GRIK5: variants seen among roughly 807,000 people sequenced by gnomAD.
GRIK5 encodes glutamate receptor ionotropic, kainate 5.
A neutral mutation model predicts 97.4 loss-of-function variants in GRIK5; 43 were observed. The ratio of observed to expected loss-of-function variants is 0.44; its 90% CI spans 0.35 to 0.57. The LOEUF is 0.57. Among genes scored for constraint, GRIK5 ranks in the 20% least tolerant of loss-of-function variants. The probability of loss-of-function intolerance (pLI) is 0.01; values close to 1 mark genes in which losing one functional copy is unlikely to be tolerated. For missense variants in GRIK5, 1,015 were observed against 1,382.0 expected, an observed-to-expected ratio of 0.73 and a Z score of 4.21; for synonymous variants, 580 against 583.5, an observed-to-expected ratio of 0.99 and a Z score of 0.09.
In GRIK5 at chr19:42,069,866, T is replaced by G. The variant is rs1599867414; in HGVS notation, c.-676A>C. On this transcript the variant is annotated 5_prime_UTR_variant, in exon 1 of 20. Transcript: ENST00000593562. Reference sequence around the variant, plus strand: ...GCTGGGGGCGGGGAGAGCCCGGGAGTGGAGAGCTGGGGAGGATGGAGAGCT... The same window carrying G: ...GCTGGGGGCGGGGAGAGCCCGGGAGGGGAGAGCTGGGGAGGATGGAGAGCT... Among the ~76,000 whole-genome samples, 2 of 144,374 alleles carry G rather than the reference T, an allele frequency of 1.4e-5. No individual in the cohort carries two copies. Among genetic ancestry groups the G allele is most frequent in the African/African-American group, 2.6e-5 (1 of 38,594 alleles). 94.7% of individuals were successfully genotyped at this position (144,374 alleles called of 152,430 possible).
At chr19:42,009,995 G>GGT (rs2075542454) in intron 15 of GRIK5, among the ~76,000 whole-genome samples, 1 of 150,684 alleles carries the variant, frequency 6.6e-6, no homozygotes, top group African/African-American at 2.4e-5. Flanking sequence ...GATCCCAGGA[G>GGT]GTGGAGGTTG....
At position 42,065,253 on chromosome 19, in the gene GRIK5, G is replaced by C. The variant is rs201959426; in HGVS notation, c.214C>G (p.Arg72Gly). ...RVEVDIFELQ[R>G]DSQYETTDTM... ...TCCGTGGTCTCGTACTGGCTGTCCC[G>C]CTGCAGCTCAAAGATGTCTACTTCC... Residue 72 changes from arginine to glycine, a missense_variant, in exon 3 of 20, where the codon CGG (arginine) becomes GGG (glycine). Arg to Gly is a moderately radical substitution (Grantham distance 125). This residue lies in a region of GRIK5 where 198 missense variants were observed against 218.2 expected (regional missense o/e 0.91). Transcript: ENST00000593562. This position sits in a 1 kb window ranked among gnomAD's most constrained non-coding sequence, Gnocchi z 5.8. 2 of 1,612,810 alleles carry C rather than the reference G, an allele frequency of 1.2e-6. No homozygotes were observed. The highest frequency in any genetic ancestry group is 1.7e-6 in the Non-Finnish European group (2 of 1,179,622).
chr19:42,063,363 G>A (rs1382603676), intron 3 of GRIK5: 5 of 456,626 alleles, frequency 1.1e-5, no homozygotes, highest in Non-Finnish European at 1.8e-5. Context: ...ACTGGGAGGT[G>A]GAAAGCTGTT....
chr19:42,025,550 T>A (rs1043673265), intron 12 of GRIK5, among the ~76,000 whole-genome samples: 1 of 152,066 alleles, frequency 6.6e-6, no homozygotes, highest in Non-Finnish European at 1.5e-5. Context: ...CCACATCCAG[T>A]CTTCCAGCCA....
At chr19:42,035,897 A>G (rs1245803446) in intron 12 of GRIK5, among the ~76,000 whole-genome samples, 2 of 152,172 alleles carry the variant, frequency 1.3e-5, no homozygotes, top group African/African-American at 4.8e-5. Context: ...TTCTCAAATA[A>G]TTGCTTATGA....
Position 42,022,402 on chromosome 19 carries a change from A to G in GRIK5, c.1474-48T>C, listed in dbSNP as rs773196477. 8.4e-6 allele frequency: 13 copies of G among 1,551,008 alleles called. No homozygotes were observed. The East Asian group carries it at 2.7e-4, about 32-fold the overall frequency. ...GGGGTGGAGGGGGACAGAGGGGAAG[A>G]CAGAAGTGGACAGTTAGAGAGAAAT... is the stretch of plus-strand genomic sequence containing the variant. On this transcript the variant is annotated intron_variant, in intron 12 of 19. Transcript: ENST00000593562. The surrounding 1 kb of genome is among the most constrained non-coding windows in gnomAD (Gnocchi z 4.2).
intron 19 of GRIK5, among the ~76,000 whole-genome samples, chr19:42,000,737 C>T (rs955559146): frequency 1.3e-5 from 2 of 152,190 alleles, no homozygotes; most frequent in Admixed American, 1.3e-4. Context: ...GAATAAGTTT[C>T]AGCCATTGCA....
Position 42,062,083 on chromosome 19 carries a change from A to T in GRIK5, c.508+405T>A, listed in dbSNP as rs1410737027. ...GCTTGGATGTCTCTTTCTCATAGAC[A>T]CAGGCTCTGAACCTCCCAGATGGAT... On this transcript the variant is annotated intron_variant, in intron 5 of 19. Transcript: ENST00000593562. This position sits in a 1 kb window ranked among gnomAD's most constrained non-coding sequence, Gnocchi z 5.3. Among the ~76,000 whole-genome samples the T allele has an allele frequency of 1.3e-5, 2 of 152,162 alleles. No homozygotes were observed. The highest frequency in any genetic ancestry group is 2.9e-5 in the Non-Finnish European group (2 of 68,020).
rs117907504 is a variant in GRIK5, at chr19:42,008,694, A to G, written c.1872-1884T>C. ...CTATAACCAAGAGAAAAATCACTCA[A>G]TTGAAACAGACCCAGAATTGACATA... On this transcript the variant is annotated intron_variant, in intron 15 of 19. Transcript: ENST00000593562. Among the ~76,000 whole-genome samples, 1,000 of 152,320 alleles carry G rather than the reference A, an allele frequency of 6.6e-3. 3 individuals are homozygous for G. The highest frequency in any genetic ancestry group is 0.012 in the Non-Finnish European group (792 of 68,028).
chr19:42,054,262 C>T (rs1259877824), intron 9 of GRIK5, 58 bp downstream of exon 9: 150 of 1,542,396 alleles, frequency 9.7e-5, no homozygotes, highest in South Asian at 1.8e-4. Context: ...TCACAGTGAG[C>T]GCTCCCACCT....
chr19:42,004,762 G>A (rs2075465625), intron 17 of GRIK5, among the ~76,000 whole-genome samples: 1 of 152,190 alleles, frequency 6.6e-6, no homozygotes, highest in African/African-American at 2.4e-5. Context: ...GACTACAGGT[G>A]CATACCACAC....
In GRIK5 at chr19:42,022,069, G is replaced by A. The variant is rs1359217399; in HGVS notation, c.1588-13C>T. The A allele has an allele frequency of 6.3e-7, 1 of 1,586,980 alleles. No homozygotes were observed. Among genetic ancestry groups the A allele is most frequent in the Non-Finnish European group, 8.6e-7 (1 of 1,157,756 alleles). ...CAGGCTTGCGGCCCTGTGGGGAGAG[G>A]GAGTGAGACCCGGAGACACCCCTGG... On this transcript the variant is annotated splice_polypyrimidine_tract_variant and intron_variant, in intron 13 of 19. Transcript: ENST00000593562. The surrounding 1 kb of genome is among the most constrained non-coding windows in gnomAD (Gnocchi z 4.2).
chr19:42,066,240 G>A (rs1291012860), intron 1 of GRIK5, among the ~76,000 whole-genome samples: 1 of 148,312 alleles, frequency 6.7e-6, no homozygotes, highest in East Asian at 2.1e-4. Flanking sequence ...AACAGAAACC[G>A]GCTGGAGAGG....
At chr19:42,044,337 A>C (rs1384757617) in intron 11 of GRIK5, among the ~76,000 whole-genome samples, 1 of 152,288 alleles carries the variant, frequency 6.6e-6, no homozygotes, top group East Asian at 1.9e-4. Flanking sequence ...TTCTAATACC[A>C]ATTATTATTA....
At chr19:42,004,485 A>C (rs1054829288) in intron 17 of GRIK5, among the ~76,000 whole-genome samples, 1 of 152,228 alleles carries the variant, frequency 6.6e-6, no homozygotes, top group Non-Finnish European at 1.5e-5. Flanking sequence ...ACCAGGCACC[A>C]ACTGTGTGCC....
rs116604058 is a variant in GRIK5, at chr19:42,015,432, T to A, written c.1871+5869A>T. Among the ~76,000 whole-genome samples the A allele has an allele frequency of 5.3e-3, 803 of 152,238 alleles. 10 individuals carry two copies. Among genetic ancestry groups the A allele is most frequent in the African/African-American group, 0.019 (773 of 41,532 alleles). ...GCAAGTCTCAATAAATTTAAAAGGA[T>A]TAAAGTCCTCTAGAGAATGTTCTCT... On this transcript the variant is annotated intron_variant, in intron 15 of 19. Transcript: ENST00000593562.
At chr19:42,017,726 G>C (rs2075641934) in intron 15 of GRIK5, among the ~76,000 whole-genome samples, 2 of 152,216 alleles carry the variant, frequency 1.3e-5, no homozygotes, top group Non-Finnish European at 2.9e-5. Context: ...CATGGATAAG[G>C]GGTCGCATGT....
At chr19:42,033,357 A>G (rs776348621) in intron 12 of GRIK5, among the ~76,000 whole-genome samples, 4 of 151,506 alleles carry the variant, frequency 2.6e-5, no homozygotes, top group Non-Finnish European at 4.4e-5. Flanking sequence ...CAGTACTGGT[A>G]TATGCCATGA....
chr19:42,011,957 A>AAAAAG (rs906982827), intron 15 of GRIK5, among the ~76,000 whole-genome samples: 4 of 152,286 alleles, frequency 2.6e-5, no homozygotes, highest in African/African-American at 4.8e-5. Context: ...ACCCTGTCTC[A>AAAAAG]AAAAGAAAAG....
Sources: allele counts gnomAD v4.1 joint callset (sites outside exome capture counted in the v4.1 genomes callset), GRCh38; gene constraint gnomAD v4.1.1; regional missense constraint gnomAD v4.1.1; non-coding constraint Gnocchi (gnomAD v3.1); transcripts MANE v1.5; gene names NCBI Gene and HGNC (gene_info 2026-07-23, HGNC 2026-07-21).